The following DCBLD1 variants were observed in gnomAD, a reference collection of about 807,000 sequenced individuals.
DCBLD1 encodes discoidin, CUB and LCCL domain containing 1, also known as discoidin, CUB and LCCL domain-containing protein 1.
A neutral mutation model predicts 71.5 loss-of-function variants in DCBLD1; 57 were observed. The ratio of observed to expected loss-of-function variants is 0.80; its 90% CI spans 0.64 to 0.99. The LOEUF (loss-of-function observed/expected upper bound fraction) is 0.99. DCBLD1 is among the 50% of genes least tolerant of loss of function. The probability of loss-of-function intolerance (pLI) is 0.00; values close to 1 mark genes in which losing one functional copy is unlikely to be tolerated. For synonymous variants in DCBLD1, 380 were observed against 363.8 expected, an observed-to-expected ratio of 1.04 and a Z score of -0.51; for missense variants, 891 against 923.5, an observed-to-expected ratio of 0.96 and a Z score of 0.46.
intron 11 of DCBLD1, among the ~76,000 whole-genome samples, chr6:117,542,165 C>T (rs950055819): frequency 5.3e-5 from 8 of 151,850 alleles, no homozygotes; most frequent in Admixed American, 1.3e-4. Context: ...TGGCAGCATG[C>T]GCCTGTAGTC....
At position 117,545,484 on chromosome 6, in the gene DCBLD1, G is replaced by T; in HGVS notation, c.1502G>T (p.Trp501Leu). ...TATGTTACCTTTATTCCAGACTGTT[G>T]GAAGCAGATTAAATATCCCTTTGCC... ...GSAEAQKTDC[W>L]KQIKYPFARH... is the part of the protein sequence containing the mutation. Residue 501 changes from tryptophan to leucine, a missense_variant, in exon 14 of 15, where the codon TGG becomes TTG. Physicochemically the swap from Trp to Leu is moderately conservative, Grantham distance 61. Transcript: ENST00000338728. The T allele has an allele frequency of 6.2e-7, 1 of 1,613,988 alleles. No homozygotes were observed. Among genetic ancestry groups the T allele is most frequent in the South Asian group, 1.1e-5 (1 of 91,050 alleles).
chr6:117,543,813 C>T (rs574830229), intron 12 of DCBLD1, among the ~76,000 whole-genome samples: 4 of 152,282 alleles, frequency 2.6e-5, no homozygotes, highest in Admixed American at 1.3e-4. Context: ...AAATAGGCTG[C>T]TTGGGGTATC....
chr6:117,541,100 A>AT, intron 11 of DCBLD1, 75 bp downstream of exon 11: 1 of 1,442,820 alleles, frequency 6.9e-7, no homozygotes, highest in South Asian at 1.2e-5. Flanking sequence ...CTTCAACAAA[A>AT]TTTCTTTTTC....
At position 117,532,342 on chromosome 6, in the gene DCBLD1, A is replaced by G. The variant is rs996911300; in HGVS notation, c.668A>G (p.Lys223Arg). 1.2e-6 allele frequency: 2 copies of G among 1,613,566 alleles called. No homozygotes were observed. The highest frequency in any genetic ancestry group is 2.7e-5 in the African/African-American group (2 of 74,906). Reference protein sequence around the residue: ...LGGQISVLQRKGISRYEGILA... With the variant: ...LGGQISVLQRRGISRYEGILA... ...GGCCAGATCAGTGTGCTTCAGCGCA[A>G]AGGGATCAGTCGATATGAAGGGATT... Residue 223 changes from lysine to arginine, a missense_variant, in exon 6 of 15, where the codon AAA becomes AGA. Transcript: ENST00000338728.
chr6:117,532,499 G>T, intron 6 of DCBLD1, 106 bp downstream of exon 6: 1 of 1,389,316 alleles, frequency 7.2e-7, no homozygotes, highest in Non-Finnish European at 9.5e-7. Context: ...GATAGCAAGG[G>T]TTTGTCAACT....
At chr6:117,523,772 G>A (rs527618403) in intron 4 of DCBLD1, among the ~76,000 whole-genome samples, 1 of 152,316 alleles carries the variant, frequency 6.6e-6, no homozygotes, top group East Asian at 1.9e-4. Context: ...AAGGCAGCAG[G>A]AGGACACTGA....
intron 14 of DCBLD1, among the ~76,000 whole-genome samples, chr6:117,559,180 T>C (rs1583043609): frequency 6.6e-6 from 1 of 152,194 alleles, no homozygotes; most frequent in South Asian, 2.1e-4. Flanking sequence ...CTTGTGTTAA[T>C]CTAGCCTCTC....
At chr6:117,569,714 G>A in exon 15 of DCBLD1, 1 of 1,600,804 alleles carries the variant, frequency 6.2e-7, no homozygotes, top group Non-Finnish European at 8.5e-7. Flanking sequence ...GATGAGGATT[G>A]GAACACCATG....
At chr6:117,549,865 G>A (rs924318609), downstream of DCBLD1, 5 of 985,286 alleles carry the variant, frequency 5.1e-6, no homozygotes, top group African/African-American at 8.7e-5. Flanking sequence ...TTCAGCTTCT[G>A]TAAAAAGGCA....
Position 117,483,770 on chromosome 6 carries a change from TCCTGGCCGTATATG to T in DCBLD1, c.112+882_112+895del, listed in dbSNP as rs1256006875. 2.0e-5 allele frequency among the ~76,000 whole-genome samples: 3 copies of T among 151,932 alleles called. 1 individual carries two copies. The highest frequency in any genetic ancestry group is 2.9e-5 in the Non-Finnish European group (2 of 68,016). ...TTCAGTGTTTCCTCTCCTCCCTTGCTCCTGGCCGTATATGCCTGAGCTTATTTAATGGCGCTGAG... is the reference window on the plus strand; with the variant it reads ...TTCAGTGTTTCCTCTCCTCCCTTGCTCCTGAGCTTATTTAATGGCGCTGAG... On this transcript the variant is annotated intron_variant, in intron 1 of 14. Coordinates refer to ENST00000338728, the MANE Select transcript of DCBLD1 (RefSeq NM_001366458.2).
At chr6:117,520,622 A>T (rs1386911397) in intron 3 of DCBLD1, among the ~76,000 whole-genome samples, 1 of 152,202 alleles carries the variant, frequency 6.6e-6, no homozygotes, top group Non-Finnish European at 1.5e-5. Flanking sequence ...TTTAAAGCTG[A>T]AAACTTGTAT....
intron 1 of DCBLD1, among the ~76,000 whole-genome samples, chr6:117,492,782 G>A (rs7453460): frequency 0.031 from 4,649 of 152,214 alleles, 85 homozygotes; most frequent in Non-Finnish European, 0.038. Flanking sequence ...TTAGATGTAT[G>A]ATAAGACACC....
chr6:117,564,332 T>C (rs957298240), intron 14 of DCBLD1, among the ~76,000 whole-genome samples: 2 of 152,210 alleles, frequency 1.3e-5, no homozygotes, highest in Non-Finnish European at 2.9e-5. Flanking sequence ...TCTACTTATA[T>C]AAATATCTAC....
chr6:117,488,341 A>T (rs1343588928), intron 1 of DCBLD1, among the ~76,000 whole-genome samples: 1 of 152,252 alleles, frequency 6.6e-6, no homozygotes, highest in Non-Finnish European at 1.5e-5. Flanking sequence ...AACACTGTGC[A>T]GGTATTTAAG....
chr6:117,551,659 G>T (rs145031751), downstream of DCBLD1, among the ~76,000 whole-genome samples: 1 of 152,156 alleles, frequency 6.6e-6, no homozygotes, highest in Non-Finnish European at 1.5e-5. Context: ...GATTACAGGC[G>T]TGAGCCACCG....
rs1302382383 is a variant in DCBLD1, at chr6:117,548,043, C to A, written c.1752C>A (p.Ala584=). 4.5e-6 allele frequency: 7 copies of A among 1,549,128 alleles called. No homozygotes were observed. In the African/African-American group the frequency reaches 8.2e-5, roughly 18 times the overall value. The change falls in exon 15 of 15, where the codon GCC becomes GCA. Residue 584 remains alanine (A), a synonymous_variant. Transcript: ENST00000338728. ...GCCACTATGACTGCCCGCAGCGGGC[C>A]GGCCGCCACGAGTACGCGCTGCCCC... ...AGGHYDCPQR[A]GRHEYALPLA...
chr6:117,517,822 C>T (rs1778253965), intron 2 of DCBLD1, among the ~76,000 whole-genome samples: 1 of 152,182 alleles, frequency 6.6e-6, no homozygotes, highest in Admixed American at 6.5e-5. Context: ...CTAGGCTGCA[C>T]ACAGCACAGG....
At chr6:117,520,330 G>A (rs950761793) in intron 3 of DCBLD1, among the ~76,000 whole-genome samples, 3 of 152,228 alleles carry the variant, frequency 2.0e-5, no homozygotes, top group Non-Finnish European at 1.5e-5. Context: ...CAAGGGGCAT[G>A]GGTTGGACAA....
chr6:117,499,240 C>CAAAAAAAAAAAAAAAAAA (rs71012362), intron 1 of DCBLD1, among the ~76,000 whole-genome samples: 1 of 108,756 alleles, frequency 9.2e-6, no homozygotes. Context: ...CCATCTCTAC[C>CAAAAAAAAAAAAAAAAAA]AAAAAAAAAA....
Sources: allele counts gnomAD v4.1 joint callset (sites outside exome capture counted in the v4.1 genomes callset), GRCh38; gene constraint gnomAD v4.1.1; transcripts MANE v1.5; gene names NCBI Gene and HGNC (gene_info 2026-07-23, HGNC 2026-07-21).